The following ABHD2 variants were observed in gnomAD, a reference collection of about 807,000 sequenced individuals.
ABHD2 encodes the protein abhydrolase domain containing 2, acylglycerol lipase.
In ABHD2, 20 loss-of-function variants were observed where a neutral mutation model predicts 48.1. The observed-to-expected ratio is 0.42, with a 90% CI of 0.29 to 0.60. The LOEUF (loss-of-function observed/expected upper bound fraction) is 0.60, where lower values mean the gene tolerates loss of function less well. Among genes scored for constraint, ABHD2 ranks in the 20% least tolerant of loss-of-function variants. ABHD2 has a pLI of 0.24. For synonymous variants in ABHD2, 209 were observed against 214.2 expected, an observed-to-expected ratio of 0.98 and a Z score of 0.21; for missense variants, 405 against 550.9, an observed-to-expected ratio of 0.74 and a Z score of 2.65.
chr15:89,158,915 C>T (rs1474380417), intron 5 of ABHD2, among the ~76,000 whole-genome samples: 1 of 151,762 alleles, frequency 6.6e-6, no homozygotes, highest in African/African-American at 2.4e-5. Flanking sequence ...CCACCCACTT[C>T]GCCCTCCCAA....
At chr15:89,163,453 C>A (rs141972941) in intron 5 of ABHD2, among the ~76,000 whole-genome samples, 1 of 152,210 alleles carries the variant, frequency 6.6e-6, no homozygotes, top group Non-Finnish European at 1.5e-5. Context: ...TGTGCTTTCA[C>A]GTTACTTCAC....
chr15:89,123,514 G>A (rs183812315), intron 3 of ABHD2, among the ~76,000 whole-genome samples: 4 of 150,998 alleles, frequency 2.6e-5, no homozygotes, highest in Admixed American at 2.6e-4. Flanking sequence ...TTTTCTAGAG[G>A]CACTTTTTAA....
chr15:89,066,791 A>C, the ABHD2 span, among the ~76,000 whole-genome samples: 2 of 152,192 alleles, frequency 1.3e-5, no homozygotes, highest in East Asian at 3.8e-4. Flanking sequence ...CGGGCCAGCC[A>C]AGAGGCCAAG....
In ABHD2 at chr15:89,174,064, C is replaced by T. The variant is rs2050971690; in HGVS notation, c.539-1748C>T. On this transcript the variant is annotated intron_variant, in intron 5 of 10. Coordinates refer to ENST00000352732, the MANE Select transcript of ABHD2 (RefSeq NM_152924.5). This position sits in a 1 kb window ranked among gnomAD's most constrained non-coding sequence, Gnocchi z 4.1. ...GGGTGTCAAAAATATTCTGCGTCTT[C>T]ATCTGGGCAATGCTTACCTGGGTAT... Among the ~76,000 whole-genome samples the T allele has an allele frequency of 6.6e-6, 1 of 152,138 alleles. No homozygotes were observed. The highest frequency in any genetic ancestry group is 2.1e-4 in the South Asian group (1 of 4,818).
chr15:89,042,597 TA>T, the ABHD2 span, among the ~76,000 whole-genome samples: 14 of 79,034 alleles, frequency 1.8e-4, no homozygotes, highest in African/African-American at 7.6e-4. Context: ...CTTATTTATT[TA>T]TTTATTTATT....
Position 89,094,329 on chromosome 15 carries a change from T to C in ABHD2, c.-107+5766T>C, listed in dbSNP as rs1309232035. ...TCACTGTAGGCATGTATTTGTGTAC[T>C]GTTTACTTAGTCATGTCAATGAGGG... On this transcript the variant is annotated intron_variant, in intron 1 of 10. Coordinates refer to ENST00000352732, the MANE Select transcript of ABHD2 (RefSeq NM_152924.5). The surrounding 1 kb of genome is among the most constrained non-coding windows in gnomAD (Gnocchi z 4.7). 1 of 152,226 alleles carries C rather than the reference T, an allele frequency of 6.6e-6. No homozygotes were observed. The highest frequency in any genetic ancestry group is 1.5e-5 in the Non-Finnish European group (1 of 68,042). 9.4% of individuals were successfully genotyped at this position (152,226 alleles called of 1,614,324 possible).
chr15:89,070,156 A>G, the ABHD2 span: 1 of 152,212 alleles, frequency 6.6e-6, no homozygotes, highest in Admixed American at 6.5e-5. Context: ...TATCTGGAAC[A>G]TTACTAGTCT....
the ABHD2 span, among the ~76,000 whole-genome samples, chr15:89,042,383 CTT>C: frequency 6.6e-6 from 1 of 152,132 alleles, no homozygotes; most frequent in Admixed American, 6.5e-5. Context: ...AACTGAGACA[CTT>C]TTCTTATTGA....
chr15:89,116,480 C>T lies in ABHD2; in HGVS notation c.153C>T (p.Leu51=). Residue 51 remains leucine, a synonymous_variant, in exon 3 of 11, where the codon CTC becomes CTT. Coordinates refer to ENST00000352732, the MANE Select transcript of ABHD2 (RefSeq NM_152924.5). This position sits in a 1 kb window ranked among gnomAD's most constrained non-coding sequence, Gnocchi z 4.6. ...ACCTCTACTTCCAGGACTCGGGGCT[C>T]TCACGCTTTCTGCTCAAGTCCTGTC... is the stretch of plus-strand genomic sequence containing the variant. ...PPDLYFQDSG[L]SRFLLKSCPL... 6.2e-7 allele frequency: 1 copy of T among 1,614,208 alleles called. No homozygotes were observed. The highest frequency in any genetic ancestry group is 8.5e-7 in the Non-Finnish European group (1 of 1,180,026).
At chr15:89,118,163 C>T (rs940946113) in intron 3 of ABHD2, among the ~76,000 whole-genome samples, 1 of 151,936 alleles carries the variant, frequency 6.6e-6, no homozygotes, top group African/African-American at 2.4e-5. Flanking sequence ...TTGTCATAGT[C>T]ATATTTTGAA....
chr15:89,063,159 G>A, the ABHD2 span, among the ~76,000 whole-genome samples: 1 of 151,744 alleles, frequency 6.6e-6, no homozygotes, highest in Non-Finnish European at 1.5e-5. Flanking sequence ...GTAGAGATGG[G>A]GTTTTACCAT....
At chr15:89,154,182 G>A (rs1004878931) in intron 4 of ABHD2, among the ~76,000 whole-genome samples, 2 of 152,090 alleles carry the variant, frequency 1.3e-5, no homozygotes, top group Non-Finnish European at 2.9e-5. Flanking sequence ...GAACTACTGG[G>A]CTCAAACGAT....
intron 1 of ABHD2, among the ~76,000 whole-genome samples, chr15:89,108,192 C>T (rs551810222): frequency 1.3e-5 from 2 of 152,288 alleles, no homozygotes; most frequent in Admixed American, 6.5e-5. Context: ...TATTCTCTCA[C>T]CATTCTAGAA....
Position 89,151,883 on chromosome 15 carries a change from ATCAC to A in ABHD2, c.370+35_370+38del. The A allele has an allele frequency of 6.2e-7, 1 of 1,607,730 alleles. No individual in the cohort carries two copies. Among genetic ancestry groups the A allele is most frequent in the Non-Finnish European group, 8.5e-7 (1 of 1,176,408 alleles). On this transcript the variant is annotated intron_variant, in intron 4 of 10. Coordinates refer to ENST00000352732, the MANE Select transcript of ABHD2 (RefSeq NM_152924.5). This position sits in a 1 kb window ranked among gnomAD's most constrained non-coding sequence, Gnocchi z 4.7. ...CTGCTTTAGATTGTGTGATTGAGCCATCACTCAGAGAAGGAGCACTAGTCAGTGG... is the reference window on the plus strand; with the variant it reads ...CTGCTTTAGATTGTGTGATTGAGCCATCAGAGAAGGAGCACTAGTCAGTGG...
In ABHD2 at chr15:89,186,317, T is replaced by A. The variant is rs1267340421; in HGVS notation, c.815+801T>A. On this transcript the variant is annotated intron_variant, in intron 7 of 10. Coordinates refer to ENST00000352732, the MANE Select transcript of ABHD2 (RefSeq NM_152924.5). The surrounding 1 kb of genome is among the most constrained non-coding windows in gnomAD (Gnocchi z 4.3). ...CGTAATCCTGTGGTGGGTTAACCTGTCAAGTGCTTAGAGCAGTGCTGTTAT... is the reference window on the plus strand; with the variant it reads ...CGTAATCCTGTGGTGGGTTAACCTGACAAGTGCTTAGAGCAGTGCTGTTAT... Among the ~76,000 whole-genome samples, 1 of 152,192 alleles carries A rather than the reference T, an allele frequency of 6.6e-6. No homozygotes were observed. The highest frequency in any genetic ancestry group is 3.2e-3 in the Middle Eastern group (1 of 316).
rs867939331 is a variant in ABHD2, at chr15:89,164,756, G to A, written c.538+9222G>A. Reference sequence around the variant, plus strand: ...TACGCCACTGCACTCCAGCCTAGACGACAGAGACTGACCCTGTCTTTAAAA... The same window carrying A: ...TACGCCACTGCACTCCAGCCTAGACAACAGAGACTGACCCTGTCTTTAAAA... On this transcript the variant is annotated intron_variant, in intron 5 of 10. Coordinates refer to ENST00000352732, the MANE Select transcript of ABHD2 (RefSeq NM_152924.5). The surrounding 1 kb of genome is among the most constrained non-coding windows in gnomAD (Gnocchi z 5.0). Among the ~76,000 whole-genome samples, 4 of 151,226 alleles carry A rather than the reference G, an allele frequency of 2.6e-5. No homozygotes were observed. The highest frequency in any genetic ancestry group is 9.8e-5 in the African/African-American group (4 of 40,992).
At chr15:89,178,016 C>A (rs1369061930) in intron 6 of ABHD2, among the ~76,000 whole-genome samples, 1 of 152,228 alleles carries the variant, frequency 6.6e-6, no homozygotes, top group African/African-American at 2.4e-5. Context: ...AAACTAAAAT[C>A]TGTGAGGTGC....
intron 1 of ABHD2, among the ~76,000 whole-genome samples, chr15:89,096,507 GA>G (rs2049615641): frequency 6.6e-6 from 1 of 152,226 alleles, no homozygotes; most frequent in Admixed American, 6.5e-5. Context: ...ACCTGAGTTT[GA>G]AAGACCCCAG....
the ABHD2 span, among the ~76,000 whole-genome samples, chr15:89,060,177 A>T: frequency 7.2e-6 from 1 of 139,640 alleles, no homozygotes; most frequent in South Asian, 2.2e-4. Context: ...TGCAACGTCC[A>T]TCTCCTAGGT....
Sources: gnomAD v4.1 joint callset for allele counts (sites outside exome capture counted in the v4.1 genomes callset) on GRCh38, gnomAD v4.1.1 for gene constraint, Gnocchi (gnomAD v3.1) non-coding constraint, MANE v1.5 for transcripts, NCBI Gene and HGNC (gene_info 2026-07-23, HGNC 2026-07-21) for gene names.